Variants in THSD8 observed in about 807,000 individuals in gnomAD.
THSD8 encodes the protein thrombospondin type 1 domain containing 8, also known as thrombospondin type-1 domain-containing protein 8.
chr19:12,804,308 G>A lies in THSD8; in HGVS notation c.*5G>A. ...GACTGCGACTGGAGGCTCTGAGCCC[G>A]GGTGAGAGAGCAGGGCCGGGGCAAG... is the stretch of plus-strand genomic sequence containing the variant. On this transcript the variant is annotated 3_prime_UTR_variant, in exon 2 of 2. Coordinates refer to ENST00000639810, the MANE Select transcript of THSD8 (RefSeq NM_001386800.1). 2.5e-6 allele frequency: 1 copy of A among 398,656 alleles called. No individual in the cohort carries two copies. Among genetic ancestry groups the A allele is most frequent in the Admixed American group, 4.4e-5 (1 of 22,730 alleles). The allele number at this position is 398,656 out of a possible 1,614,324, so 24.7% of individuals were successfully genotyped here. A position where few individuals can be genotyped will look rare whatever the true frequency, so the allele number is the denominator to read the frequency against.
intron 1 of THSD8, among the ~76,000 whole-genome samples, chr19:12,803,505 C>A (rs954120697): frequency 3.9e-5 from 6 of 152,088 alleles, no homozygotes; most frequent in African/African-American, 1.4e-4. Context: ...GCTGGCACAG[C>A]CTGGAAGTGT....
chr19:12,802,197 G>A lies in THSD8; in HGVS notation c.126G>A (p.Gln42=). 2.5e-6 allele frequency: 1 copy of A among 398,734 alleles called. No individual in the cohort carries two copies. Among genetic ancestry groups the A allele is most frequent in the East Asian group, 3.6e-5 (1 of 28,088 alleles). The allele number at this position is 398,734 out of a possible 1,614,324, so 24.7% of individuals were successfully genotyped here. A position where few individuals can be genotyped will look rare whatever the true frequency, so the allele number is the denominator to read the frequency against. The part of the protein sequence containing the change: ...GQQGEGDSWE[Q]LRLQHLKEVE... ...AGGGCGAAGGTGACAGCTGGGAGCA[G>A]CTGAGGCTGCAGCATCTAAAGGGTA... The change falls in exon 1 of 2, where the codon CAG becomes CAA. Residue 42 remains glutamine (Q), a synonymous_variant. Transcript: ENST00000639810.
intron 1 of THSD8, among the ~76,000 whole-genome samples, chr19:12,802,882 G>A (rs1002931061): frequency 6.6e-6 from 1 of 152,192 alleles, no homozygotes. Flanking sequence ...GGAGGCTGAG[G>A]TGGGAGGATC....
intron 1 of THSD8, among the ~76,000 whole-genome samples, chr19:12,802,436 G>A (rs1417153039): frequency 6.6e-6 from 1 of 152,160 alleles, no homozygotes; most frequent in Non-Finnish European, 1.5e-5. Context: ...GGGGAAGAGA[G>A]GGTGTGGGCA....
rs1240094313 is a variant in THSD8 at position 12,804,198 on chromosome 19, G to A, written c.243G>A (p.Ala81=). Residue 81 remains alanine (A), a synonymous_variant, in exon 2 of 2, where the codon GCG becomes GCA. Transcript: ENST00000639810. ...QERSREVVGT[A]PGPVFMDPEK... ...GCAGCCGCGAGGTAGTGGGCACAGC[G>A]CCGGGCCCGGTTTTCATGGACCCGG... The A allele has an allele frequency of 7.5e-6, 3 of 398,490 alleles. No individual in the cohort carries two copies. Among genetic ancestry groups the A allele is most frequent in the Non-Finnish European group, 1.3e-5 (3 of 226,098 alleles). 24.7% of individuals were successfully genotyped at this position (398,490 alleles called of 1,614,324 possible).
At chr19:12,803,127 C>A (rs765366511) in intron 1 of THSD8, among the ~76,000 whole-genome samples, 3 of 151,994 alleles carry the variant, frequency 2.0e-5, no homozygotes, top group Non-Finnish European at 2.9e-5. Context: ...TGGTGGCATG[C>A]GCCTGTAGTC....
chr19:12,803,194 G>T (rs1968931274), intron 1 of THSD8, among the ~76,000 whole-genome samples: 1 of 152,196 alleles, frequency 6.6e-6, no homozygotes, highest in Non-Finnish European at 1.5e-5. Flanking sequence ...GTTTGAAGCT[G>T]CAGTGAGCCA....
At chr19:12,803,798 G>C (rs1461217897) in intron 1 of THSD8, among the ~76,000 whole-genome samples, 1 of 150,770 alleles carries the variant, frequency 6.6e-6, no homozygotes, top group Non-Finnish European at 1.5e-5. Flanking sequence ...TGTAGTCCCA[G>C]CTACTTGGTA....
intron 1 of THSD8, among the ~76,000 whole-genome samples, chr19:12,802,827 A>T (rs1393492842): frequency 6.6e-6 from 1 of 152,120 alleles, no homozygotes; most frequent in Non-Finnish European, 1.5e-5. Flanking sequence ...TAAAGTGATC[A>T]CAGTGGCCGG....
At chr19:12,803,869 G>A (rs901807187) in intron 1 of THSD8, among the ~76,000 whole-genome samples, 1 of 127,082 alleles carries the variant, frequency 7.9e-6, no homozygotes, top group South Asian at 2.5e-4. Context: ...CTGTGACTGC[G>A]CCACTGCACT....
rs1968945471 is a variant in THSD8 at position 12,804,114 on chromosome 19, C to G, written c.159C>G (p.Asp53Glu). 2.5e-6 allele frequency: 1 copy of G among 398,380 alleles called. No individual in the cohort carries two copies. The highest frequency in any genetic ancestry group is 2.1e-5 in the African/African-American group (1 of 48,560). 24.7% of individuals were successfully genotyped at this position (398,380 alleles called of 1,614,324 possible). A position where few individuals can be genotyped will look rare whatever the true frequency, so the allele number is the denominator to read the frequency against. The change falls in exon 2 of 2, where the codon GAC (aspartate) becomes GAG (glutamate). Residue 53 changes from aspartate to glutamate, a missense_variant. Transcript: ENST00000639810. ...LRLQHLKEVE[D>E]SILGPWGKWR... Reference sequence around the variant, plus strand: ...GCCCTCCTTCTCTAGAAGTCGAGGACTCAATCCTTGGCCCGTGGGGAAAGT... The same window carrying G: ...GCCCTCCTTCTCTAGAAGTCGAGGAGTCAATCCTTGGCCCGTGGGGAAAGT...
intron 1 of THSD8, among the ~76,000 whole-genome samples, chr19:12,803,836 C>A (rs1968940559): frequency 7.1e-6 from 1 of 140,840 alleles, no homozygotes; most frequent in South Asian, 2.2e-4. Context: ...TGCTTGAGCC[C>A]AGGAGGTTGA....
intron 1 of THSD8, among the ~76,000 whole-genome samples, chr19:12,802,817 T>G (rs2145819835): frequency 6.6e-6 from 1 of 152,120 alleles, no homozygotes; most frequent in South Asian, 2.1e-4. Flanking sequence ...AAGAGCCCTT[T>G]AAAGTGATCA....
chr19:12,803,911 C>CAAAAAAAAAAAAAAAAAAA (rs761806696), intron 1 of THSD8, among the ~76,000 whole-genome samples, 193 bp from the exon 2 acceptor site: 3 of 34,868 alleles, frequency 8.6e-5, no homozygotes, highest in African/African-American at 3.4e-4. Context: ...GACCCTGTCT[C>CAAAAAAAAAAAAAAAAAAA]AAAAAAAAAA....
intron 1 of THSD8, among the ~76,000 whole-genome samples, chr19:12,803,483 A>T (rs1968934539): frequency 6.6e-6 from 1 of 152,096 alleles, no homozygotes; most frequent in Non-Finnish European, 1.5e-5. Context: ...TAGGACACTC[A>T]CAACTGGGCA....
intron 1 of THSD8, 143 bp from the exon 2 acceptor site, chr19:12,803,961 C>A (rs1968943640): frequency 4.4e-6 from 1 of 229,366 alleles, no homozygotes; most frequent in South Asian, 2.0e-4. Flanking sequence ...TAATCTGTGG[C>A]AGGGTGTCTG....
At chr19:12,803,388 G>A (rs1243837793) in intron 1 of THSD8, among the ~76,000 whole-genome samples, 1 of 152,210 alleles carries the variant, frequency 6.6e-6, no homozygotes, top group African/African-American at 2.4e-5. Context: ...CCTGCTGTCA[G>A]GTGGCATTGT....
rs925215483 is a variant in THSD8, at chr19:12,804,160, G to A, written c.205G>A (p.Gly69Ser). 5.0e-6 allele frequency: 2 copies of A among 398,570 alleles called. No individual in the cohort carries two copies. Among genetic ancestry groups the A allele is most frequent in the Admixed American group, 4.4e-5 (1 of 22,712 alleles). 24.7% of individuals were successfully genotyped at this position (398,570 alleles called of 1,614,324 possible). A position where few individuals can be genotyped will look rare whatever the true frequency, so the allele number is the denominator to read the frequency against. Reference protein sequence around the residue: ...WGKWRCLCDLGKQERSREVVG... With the variant: ...WGKWRCLCDLSKQERSREVVG... ...AAAGTGGCGGTGTCTCTGCGACCTG[G>A]GCAAGCAGGAGCGCAGCCGCGAGGT... The change falls in exon 2 of 2, where the codon GGC (glycine) becomes AGC (serine). Residue 69 changes from glycine to serine, a missense_variant. Transcript: ENST00000639810.
chr19:12,803,911 C>CAAAAAAA lies in THSD8; in HGVS notation c.149-172_149-166dup, dbSNP rs761806696. Reference sequence around the variant, plus strand: ...TGGGCGACAGAGCGAGACCCTGTCTCAAAAAAAAAAAAAAAAAAAAAAAAA... The same window carrying CAAAAAAA: ...TGGGCGACAGAGCGAGACCCTGTCTCAAAAAAAAAAAAAAAAAAAAAAAAAAAAAAAA... On this transcript the variant is annotated intron_variant, in intron 1 of 1. Coordinates refer to ENST00000639810, the MANE Select transcript of THSD8 (RefSeq NM_001386800.1). 3.0e-3 allele frequency among the ~76,000 whole-genome samples: 106 copies of CAAAAAAA among 34,868 alleles called. 1 individual carries two copies. Among genetic ancestry groups the CAAAAAAA allele is most frequent in the Non-Finnish European group, 4.2e-3 (81 of 19,354 alleles). 22.9% of individuals were successfully genotyped at this position (34,868 alleles called of 152,430 possible).
Sources: gnomAD v4.1 joint callset for allele counts (sites outside exome capture counted in the v4.1 genomes callset) on GRCh38, gnomAD v4.1.1 for gene constraint, MANE v1.5 for transcripts, NCBI Gene and HGNC (gene_info 2026-07-23, HGNC 2026-07-21) for gene names.